PEAK1: variants seen among roughly 807,000 people sequenced by gnomAD.
PEAK1 encodes the protein pseudopodium enriched atypical kinase 1.
PEAK1 carries 54 observed loss-of-function variants against 124.7 expected under a neutral mutation model. That is an observed-to-expected ratio of 0.43 (90% confidence interval 0.35 to 0.54). The LOEUF is 0.54. PEAK1 is among the 20% of genes least tolerant of loss of function. PEAK1 has a pLI of 0.01. For synonymous variants in PEAK1, 719 were observed against 760.0 expected (o/e 0.95, Z 0.89); for missense variants, 2,046 against 2,134.5 (o/e 0.96, Z 0.82).
Position 77,162,320 on chromosome 15 carries a change from C to A in PEAK1, c.3138-3624G>T, listed in dbSNP as rs181702124. On this transcript the variant is annotated intron_variant, in intron 7 of 9. Transcript: ENST00000682557. ...ATCAGCCTGGCTAACATGGTGAAACCCTATCTCTACTAAAAATACAAAAAT... is the reference window on the plus strand; with the variant it reads ...ATCAGCCTGGCTAACATGGTGAAACACTATCTCTACTAAAAATACAAAAAT... 2.0e-3 allele frequency among the ~76,000 whole-genome samples: 298 copies of A among 151,412 alleles called. 2 individuals are homozygous for A. Among genetic ancestry groups the A allele is most frequent in the African/African-American group, 6.7e-3 (275 of 41,296 alleles).
chr15:77,397,555 AAAAG>A (rs1027197366), intron 1 of PEAK1, among the ~76,000 whole-genome samples: 2 of 152,072 alleles, frequency 1.3e-5, no homozygotes, highest in African/African-American at 4.8e-5. Flanking sequence ...GACTAAGAAA[AAAAG>A]AAAGAAGACT....
intron 8 of PEAK1, chr15:77,155,248 C>T (rs1348121377): frequency 6.6e-6 from 1 of 152,244 alleles, no homozygotes; most frequent in Non-Finnish European, 1.5e-5. Context: ...TCTTCCATCA[C>T]TGATACCCTT....
At chr15:77,302,691 G>A (rs1332594805) in intron 2 of PEAK1, among the ~76,000 whole-genome samples, 4 of 152,098 alleles carry the variant, frequency 2.6e-5, no homozygotes, top group African/African-American at 7.2e-5. Context: ...TCCCTTCAGT[G>A]AGATTATTGG....
At chr15:77,400,228 G>A (rs79021494) in intron 1 of PEAK1, among the ~76,000 whole-genome samples, 38 of 152,010 alleles carry the variant, frequency 2.5e-4, no homozygotes, top group Non-Finnish European at 4.0e-4. Flanking sequence ...TAATTAGTAC[G>A]ATCACTATGG....
intron 2 of PEAK1, among the ~76,000 whole-genome samples, chr15:77,353,654 G>A (rs1301561843): frequency 6.6e-6 from 1 of 152,184 alleles, no homozygotes; most frequent in African/African-American, 2.4e-5. Flanking sequence ...TGTCCAAACT[G>A]TCAACTGGTT....
At chr15:77,394,138 G>A (rs1416845253) in intron 1 of PEAK1, among the ~76,000 whole-genome samples, 1 of 152,186 alleles carries the variant, frequency 6.6e-6, no homozygotes, top group African/African-American at 2.4e-5. Context: ...GATTCCTAAG[G>A]TTTCCAACTC....
At chr15:77,402,802 A>G (rs2071484219) in intron 1 of PEAK1, 2 of 985,282 alleles carry the variant, frequency 2.0e-6, no homozygotes, top group Non-Finnish European at 2.4e-6. Context: ...TACTTCATTC[A>G]GGATAGATAA....
chr15:77,344,800 T>C (rs1193344050), intron 2 of PEAK1, among the ~76,000 whole-genome samples: 4 of 152,244 alleles, frequency 2.6e-5, no homozygotes, highest in Non-Finnish European at 5.9e-5. Flanking sequence ...AAGTGTTTTA[T>C]TCTTTTTGAT....
At chr15:77,236,320 G>A (rs1022102308) in intron 6 of PEAK1, among the ~76,000 whole-genome samples, 5 of 152,214 alleles carry the variant, frequency 3.3e-5, no homozygotes, top group African/African-American at 1.2e-4. Flanking sequence ...GGCCATGGGA[G>A]CCCACCTCTT....
At chr15:77,401,490 C>G (rs981256521) in intron 1 of PEAK1, 119 of 958,618 alleles carry the variant, frequency 1.2e-4, no homozygotes, top group Non-Finnish European at 1.4e-4. Context: ...AGTCATAATA[C>G]AATTTTTAAG....
At chr15:77,194,609 C>T (rs2058016799) in intron 6 of PEAK1, among the ~76,000 whole-genome samples, 1 of 152,144 alleles carries the variant, frequency 6.6e-6, no homozygotes, top group Admixed American at 6.5e-5. Context: ...CTTTTGCATA[C>T]CTTACTCCAC....
intron 2 of PEAK1, among the ~76,000 whole-genome samples, chr15:77,305,585 GA>G (rs1348406621): frequency 6.6e-6 from 1 of 152,132 alleles, no homozygotes; most frequent in Non-Finnish European, 1.5e-5. Flanking sequence ...GAGTTTTTTG[GA>G]AATTAATCTG....
At position 77,319,852 on chromosome 15, in the gene PEAK1, T is replaced by C. The variant is rs577090027; in HGVS notation, c.-602-33348A>G. ...TCATCGCTGTTTCTGGCAATATCACTATGGATGATCTTTTACTCTTTGTTT... is the reference window on the plus strand; with the variant it reads ...TCATCGCTGTTTCTGGCAATATCACCATGGATGATCTTTTACTCTTTGTTT... On this transcript the variant is annotated intron_variant, in intron 2 of 9. Transcript: ENST00000682557. Among the ~76,000 whole-genome samples the C allele has an allele frequency of 2.3e-3, 349 of 152,232 alleles. 3 individuals carry two copies. Among genetic ancestry groups the C allele is most frequent in the African/African-American group, 7.8e-3 (324 of 41,534 alleles).
Position 77,179,820 on chromosome 15 carries a change from C to T in PEAK1, c.2107G>A (p.Ala703Thr). Residue 703 changes from alanine (A) to threonine (T), a missense_variant, in exon 7 of 10, where the codon GCT becomes ACT. Ala to Thr is a moderately conservative substitution (Grantham distance 58, BLOSUM62 0). Coordinates refer to ENST00000682557, the MANE Select transcript of PEAK1 (RefSeq NM_001385026.1). ...NSTEHKRGSV[A>T]QKVQEFNNCL... The stretch of plus-strand genomic sequence containing the variant: ...TTGTTAAACTCTTGAACCTTCTGAG[C>T]CACTGAGCCCCTTTTATGCTCTGTG... The T allele has an allele frequency of 6.2e-7, 1 of 1,614,084 alleles. No homozygotes were observed. The highest frequency in any genetic ancestry group is 8.5e-7 in the Non-Finnish European group (1 of 1,179,996).
rs530685313 is a variant in PEAK1, at chr15:77,208,143, T to C, written c.-114-26103A>G. 1.3e-4 allele frequency among the ~76,000 whole-genome samples: 20 copies of C among 152,318 alleles called. No homozygotes were observed. In the South Asian group the frequency reaches 3.7e-3, roughly 28 times the overall value. ...TCTTTACAGCTACTATATACAGTGC[T>C]TCAGGTACTACTATGTATGACGCAT... On this transcript the variant is annotated intron_variant, in intron 6 of 9. Coordinates refer to ENST00000682557, the MANE Select transcript of PEAK1 (RefSeq NM_001385026.1).
chr15:77,348,437 A>T (rs2067005412), intron 2 of PEAK1: 5 of 935,308 alleles, frequency 5.3e-6, no homozygotes, highest in Non-Finnish European at 5.1e-6. Flanking sequence ...CTGATTTTTT[A>T]AAAAGAAAAA....
intron 6 of PEAK1, among the ~76,000 whole-genome samples, chr15:77,244,335 G>C (rs1042112239): frequency 6.6e-6 from 1 of 152,202 alleles, no homozygotes; most frequent in Non-Finnish European, 1.5e-5. Context: ...CCATATTGGA[G>C]TTTAGCTATC....
At chr15:77,265,574 T>A (rs559947529) in intron 5 of PEAK1, among the ~76,000 whole-genome samples, 6 of 152,156 alleles carry the variant, frequency 3.9e-5, no homozygotes, top group Admixed American at 6.5e-5. Context: ...TCACACCAGT[T>A]AGAATGGCGA....
chr15:77,357,538 T>C (rs2067598391), intron 2 of PEAK1, among the ~76,000 whole-genome samples: 2 of 152,240 alleles, frequency 1.3e-5, no homozygotes, highest in South Asian at 4.1e-4. Context: ...CCTCCCAAAG[T>C]GCTGGAATTA....
Sources: allele counts gnomAD v4.1 joint callset (sites outside exome capture counted in the v4.1 genomes callset), GRCh38; gene constraint gnomAD v4.1.1; transcripts MANE v1.5; gene names NCBI Gene and HGNC (gene_info 2026-07-23, HGNC 2026-07-21).